Variants in SERGEF observed in about 807,000 individuals in gnomAD.
The protein encoded by SERGEF is secretion regulating guanine nucleotide exchange factor.
In SERGEF, 51 loss-of-function variants were observed where a neutral mutation model predicts 50.0. The observed-to-expected ratio is 1.02, with a 90% CI of 0.81 to 1.29. The LOEUF is 1.29. Ranked by LOEUF, SERGEF falls within the 50% of genes most tolerant of loss-of-function variation. SERGEF has a pLI of 0.00. For synonymous variants in SERGEF, 205 were observed against 212.4 expected (o/e 0.97, Z 0.30); for missense variants, 521 against 557.0 (o/e 0.94, Z 0.65).
intron 5 of SERGEF, among the ~76,000 whole-genome samples, chr11:17,997,862 G>A (rs551730194): frequency 9.1e-4 from 139 of 152,284 alleles, no homozygotes; most frequent in Middle Eastern, 3.4e-3. Context: ...AATAGTGATT[G>A]CCATGGGCCA....
At chr11:17,964,187 TG>T (rs1853071566) in intron 8 of SERGEF, among the ~76,000 whole-genome samples, 1 of 152,104 alleles carries the variant, frequency 6.6e-6, no homozygotes, top group Non-Finnish European at 1.5e-5. Context: ...TTAACTCTCC[TG>T]GGGCGTTTGG....
intron 10 of SERGEF, among the ~76,000 whole-genome samples, chr11:17,803,093 C>T (rs986146277): frequency 1.3e-5 from 2 of 152,238 alleles, no homozygotes; most frequent in African/African-American, 4.8e-5. Context: ...CTGGGCAGAC[C>T]ATCTACTGGG....
At chr11:17,981,312 T>G (rs997476394) in intron 8 of SERGEF, among the ~76,000 whole-genome samples, 17 of 152,254 alleles carry the variant, frequency 1.1e-4, no homozygotes, top group Admixed American at 1.1e-3. Flanking sequence ...AAGATACCTA[T>G]GAATTTCCTT....
intron 9 of SERGEF, among the ~76,000 whole-genome samples, chr11:17,917,488 T>C (rs1852071122): frequency 6.6e-6 from 1 of 151,914 alleles, no homozygotes; most frequent in African/African-American, 2.4e-5. Flanking sequence ...GGGTAATGGG[T>C]CTCAAAAATC....
chr11:17,878,392 A>T (rs1398009465), intron 9 of SERGEF, 148 bp from the exon 10 acceptor site: 1 of 613,814 alleles, frequency 1.6e-6, no homozygotes, highest in Non-Finnish European at 2.9e-6. Flanking sequence ...AAAAGTTAAG[A>T]TTATAATTAC....
At chr11:17,930,290 A>G (rs1401166) in intron 9 of SERGEF, among the ~76,000 whole-genome samples, 73,989 of 152,122 alleles carry the variant, frequency 0.49, 18,641 homozygotes, top group African/African-American at 0.62. Flanking sequence ...ACTTGCCTAT[A>G]GTTACGAAAG....
intron 9 of SERGEF, among the ~76,000 whole-genome samples, chr11:17,943,463 T>A (rs1852598663): frequency 6.6e-6 from 1 of 152,200 alleles, no homozygotes; most frequent in South Asian, 2.1e-4. Flanking sequence ...TGACCTTGTT[T>A]TTCCTGATAG....
intron 3 of SERGEF, 33 bp downstream of exon 3, chr11:18,006,558 T>C (rs541147162): frequency 3.8e-6 from 6 of 1,598,242 alleles, no homozygotes; most frequent in Middle Eastern, 1.7e-4. Context: ...AAAGCCTTTG[T>C]GGTGACAAAA....
At chr11:17,894,407 A>G (rs1476651612) in intron 9 of SERGEF, among the ~76,000 whole-genome samples, 1 of 152,224 alleles carries the variant, frequency 6.6e-6, no homozygotes, top group Non-Finnish European at 1.5e-5. Flanking sequence ...GGATGGTTAA[A>G]TACCTTGACT....
chr11:17,913,835 T>G (rs1462320871), intron 9 of SERGEF, among the ~76,000 whole-genome samples: 1 of 152,184 alleles, frequency 6.6e-6, no homozygotes, highest in Non-Finnish European at 1.5e-5. Flanking sequence ...ACACCAGTGA[T>G]GCAGCCCTCA....
chr11:17,811,698 T>C (rs946510027), intron 10 of SERGEF, among the ~76,000 whole-genome samples: 1 of 152,184 alleles, frequency 6.6e-6, no homozygotes, highest in Non-Finnish European at 1.5e-5. Context: ...AAGAATACGA[T>C]CCAGGAGTGG....
intron 10 of SERGEF, among the ~76,000 whole-genome samples, chr11:17,868,057 T>C (rs939619570): frequency 3.3e-5 from 5 of 152,212 alleles, no homozygotes; most frequent in Non-Finnish European, 5.9e-5. Context: ...ATTTTCCCTA[T>C]TGTCTTGGGG....
Position 17,878,203 on chromosome 11 carries a change from CT to C in SERGEF, c.1048+4del. The C allele has an allele frequency of 6.4e-7, 1 of 1,570,580 alleles. No individual in the cohort carries two copies. The highest frequency in any genetic ancestry group is 8.7e-7 in the Non-Finnish European group (1 of 1,146,970). On this transcript the variant is annotated splice_donor_region_variant and intron_variant, in intron 10 of 10. Coordinates refer to ENST00000265965, the MANE Select transcript of SERGEF (RefSeq NM_012139.4). ...GAAACAGTTATCAGTATAAAAATTA[CT>C]TACCAATTATTGCCAAATTATGCTC...
intron 3 of SERGEF, among the ~76,000 whole-genome samples, chr11:18,006,099 A>T (rs1296223852): frequency 2.0e-5 from 3 of 152,248 alleles, no homozygotes; most frequent in Non-Finnish European, 2.9e-5. Context: ...AACTCTCCTT[A>T]GAAAAGGTAG....
intron 10 of SERGEF, among the ~76,000 whole-genome samples, chr11:17,803,142 A>C (rs1849701582): frequency 6.6e-6 from 1 of 152,234 alleles, no homozygotes; most frequent in South Asian, 2.1e-4. Context: ...GTGTGTGCAC[A>C]CCCACACATG....
At chr11:17,805,807 T>A (rs1849749491) in intron 10 of SERGEF, among the ~76,000 whole-genome samples, 1 of 152,220 alleles carries the variant, frequency 6.6e-6, no homozygotes, top group Non-Finnish European at 1.5e-5. Flanking sequence ...AGACTCAGTG[T>A]CTTTATCCAT....
chr11:17,875,827 G>A (rs1292885691), intron 10 of SERGEF, among the ~76,000 whole-genome samples: 1 of 152,158 alleles, frequency 6.6e-6, no homozygotes, highest in Non-Finnish European at 1.5e-5. Context: ...TTCTCTTCTA[G>A]TCTAGTCTAT....
In SERGEF at chr11:17,862,086, C is replaced by G. The variant is rs183373736; in HGVS notation, c.1048+16122G>C. 3.3e-5 allele frequency among the ~76,000 whole-genome samples: 5 copies of G among 152,292 alleles called. No individual in the cohort carries two copies. The East Asian group carries it at 9.7e-4, about 29-fold the overall frequency. Reference sequence around the variant, plus strand: ...GATCTGAACGTAGCCATCACTGTAGCCTTGTCTCCCACTGCTCTGCTCCCC... The same window carrying G: ...GATCTGAACGTAGCCATCACTGTAGGCTTGTCTCCCACTGCTCTGCTCCCC... On this transcript the variant is annotated intron_variant, in intron 10 of 10. Coordinates refer to ENST00000265965, the MANE Select transcript of SERGEF (RefSeq NM_012139.4).
chr11:17,874,446 C>T (rs537531488), intron 10 of SERGEF, among the ~76,000 whole-genome samples: 1 of 152,294 alleles, frequency 6.6e-6, no homozygotes, highest in Admixed American at 6.5e-5. Context: ...GAACTCATAC[C>T]ACTTCACCAT....
Sources: gnomAD v4.1 joint callset for allele counts (sites outside exome capture counted in the v4.1 genomes callset) on GRCh38, gnomAD v4.1.1 for gene constraint, MANE v1.5 for transcripts, NCBI Gene and HGNC (gene_info 2026-07-23, HGNC 2026-07-21) for gene names.